Variants in SLC4A4 observed in about 807,000 individuals in gnomAD.
SLC4A4 encodes solute carrier family 4 member 4.
A neutral mutation model predicts 111.5 loss-of-function variants in SLC4A4; 27 were observed. The observed-to-expected ratio is 0.24, with a 90% confidence interval of 0.18 to 0.33. The LOEUF is 0.33. SLC4A4 is among the 10% of genes least tolerant of loss of function. SLC4A4 has a pLI of 1.00. For missense variants in SLC4A4, 909 were observed against 1,315.5 expected (o/e 0.69, Z 4.78); for synonymous variants, 443 against 463.4 (o/e 0.96, Z 0.57).
intron 3 of SLC4A4, among the ~76,000 whole-genome samples, chr4:71,336,859 C>T (rs1055888631): frequency 2.6e-5 from 4 of 152,320 alleles, no homozygotes; most frequent in Admixed American, 2.0e-4. Flanking sequence ...TGATTAGCTA[C>T]GTCGTCTCCA....
At chr4:71,239,947 G>A (rs1054485758) in intron 2 of SLC4A4, among the ~76,000 whole-genome samples, 1 of 152,046 alleles carries the variant, frequency 6.6e-6, no homozygotes, top group South Asian at 2.1e-4. Flanking sequence ...TCCCACCCAG[G>A]CCCTTCCACG....
intron 1 of SLC4A4, among the ~76,000 whole-genome samples, chr4:71,090,962 T>C (rs530790358): frequency 2.6e-5 from 4 of 152,334 alleles, no homozygotes; most frequent in Admixed American, 6.5e-5. Flanking sequence ...TTCTTTTCTT[T>C]TTTTTGAAAC....
At chr4:71,253,810 CGT>C (rs1393330721) in intron 2 of SLC4A4, among the ~76,000 whole-genome samples, 1 of 152,106 alleles carries the variant, frequency 6.6e-6, no homozygotes, top group Non-Finnish European at 1.5e-5. Flanking sequence ...TGAGTTGCTG[CGT>C]GTGTGTTGGG....
chr4:71,386,410 G>A (rs1035469506), intron 6 of SLC4A4, among the ~76,000 whole-genome samples: 2 of 151,964 alleles, frequency 1.3e-5, no homozygotes, highest in African/African-American at 2.4e-5. Context: ...CTTTGATAAT[G>A]TTCTCTCTAC....
intron 6 of SLC4A4, among the ~76,000 whole-genome samples, chr4:71,391,213 TA>T (rs1227327894): frequency 6.6e-6 from 1 of 152,126 alleles, no homozygotes; most frequent in African/African-American, 2.4e-5. Flanking sequence ...CTATTACATG[TA>T]AGTTATCTTA....
chr4:71,383,136 T>C (rs1455886761), intron 6 of SLC4A4, among the ~76,000 whole-genome samples: 1 of 152,172 alleles, frequency 6.6e-6, no homozygotes, highest in Non-Finnish European at 1.5e-5. Flanking sequence ...CACACTGCTT[T>C]AGTAGTAAAT....
intron 2 of SLC4A4, among the ~76,000 whole-genome samples, chr4:71,120,784 A>G (rs1430923950): frequency 6.6e-6 from 1 of 152,128 alleles, no homozygotes; most frequent in East Asian, 1.9e-4. Flanking sequence ...GGCAGCCCTC[A>G]CTCACTCTTG....
At chr4:71,392,853 G>C (rs1231854379) in intron 6 of SLC4A4, among the ~76,000 whole-genome samples, 1 of 152,034 alleles carries the variant, frequency 6.6e-6, no homozygotes, top group East Asian at 1.9e-4. Context: ...TGCAGGGATG[G>C]TTTAACATAT....
intron 4 of SLC4A4, among the ~76,000 whole-genome samples, chr4:71,344,605 G>A (rs1476944004): frequency 1.3e-5 from 2 of 152,096 alleles, no homozygotes; most frequent in East Asian, 1.9e-4. Flanking sequence ...TTCATAGAGA[G>A]CTAACTCTCC....
intron 1 of SLC4A4, among the ~76,000 whole-genome samples, chr4:71,090,057 C>G (rs896136045): frequency 1.3e-5 from 2 of 152,000 alleles, no homozygotes; most frequent in Non-Finnish European, 2.9e-5. Context: ...GTTCGAGCTT[C>G]CTCGCCAGTT....
intron 1 of SLC4A4, among the ~76,000 whole-genome samples, chr4:71,234,411 A>G (rs1384811831): frequency 1.3e-5 from 2 of 152,206 alleles, no homozygotes; most frequent in African/African-American, 4.8e-5. Context: ...AAGTTGGTAA[A>G]TGACTTGACT....
At chr4:71,255,647 T>C (rs79444521) in intron 3 of SLC4A4, among the ~76,000 whole-genome samples, 9,782 of 152,264 alleles carry the variant, frequency 0.064, 478 homozygotes, top group Non-Finnish European at 0.092. Flanking sequence ...CTGTGTATTC[T>C]ACATTTTTAT....
chr4:71,279,500 A>G (rs1314620813), intron 3 of SLC4A4, among the ~76,000 whole-genome samples: 2 of 152,172 alleles, frequency 1.3e-5, no homozygotes, highest in African/African-American at 2.4e-5. Flanking sequence ...CCGTATATGT[A>G]TGTATTATAT....
At position 71,174,735 on chromosome 4, in the gene SLC4A4, C is replaced by T. The variant is rs550891982; in HGVS notation, c.-1-61841C>T. 5.3e-5 allele frequency among the ~76,000 whole-genome samples: 8 copies of T among 152,184 alleles called. 1 individual carries two copies. Among genetic ancestry groups the T allele is most frequent in the African/African-American group, 1.9e-4 (8 of 41,532 alleles). ...AACATTGCTTTTATAATGAAAAAAG[C>T]AACACATTTTCTTTTATTTGTTTTT... is the stretch of plus-strand genomic sequence containing the variant. On this transcript the variant is annotated intron_variant, in intron 2 of 26. Transcript: ENST00000649996.
At chr4:71,105,093 G>A (rs1310183232) in intron 2 of SLC4A4, among the ~76,000 whole-genome samples, 4 of 108,684 alleles carry the variant, frequency 3.7e-5, no homozygotes, top group African/African-American at 9.7e-5. Context: ...CAAAATCAAT[G>A]TGCAAAAATC....
intron 18 of SLC4A4, among the ~76,000 whole-genome samples, chr4:71,536,283 C>T (rs754166130): frequency 1.7e-4 from 25 of 150,440 alleles, no homozygotes; most frequent in Middle Eastern, 6.8e-3. Context: ...GGGGAATTCT[C>T]CTTTTAATGG....
chr4:71,072,020 G>C (rs1217641665), intron 1 of SLC4A4, among the ~76,000 whole-genome samples: 1 of 152,058 alleles, frequency 6.6e-6, no homozygotes, highest in Admixed American at 6.6e-5. Flanking sequence ...AAGCACGAAT[G>C]TTTCTTTTTC....
intron 24 of SLC4A4, among the ~76,000 whole-genome samples, chr4:71,565,081 G>A (rs182938430): frequency 6.6e-6 from 1 of 151,872 alleles, no homozygotes. Context: ...GTGGGAGTGG[G>A]CCCAAGAATA....
chr4:71,177,534 C>T (rs1224269240), intron 2 of SLC4A4, among the ~76,000 whole-genome samples: 1 of 151,326 alleles, frequency 6.6e-6, no homozygotes, highest in Non-Finnish European at 1.5e-5. Context: ...CAATCCTAGT[C>T]TCTGATAAAG....
Sources: gnomAD v4.1 joint callset for allele counts (sites outside exome capture counted in the v4.1 genomes callset) on GRCh38, gnomAD v4.1.1 for gene constraint, MANE v1.5 for transcripts, NCBI Gene and HGNC (gene_info 2026-07-23, HGNC 2026-07-21) for gene names.